The following RBFOX1 variants were observed in gnomAD, a reference collection of about 807,000 sequenced individuals.
The protein encoded by RBFOX1 is RNA binding fox-1 homolog 1.
In RBFOX1, 8 loss-of-function variants were observed where a neutral mutation model predicts 57.7. The observed-to-expected ratio is 0.14, with a 90% CI of 0.08 to 0.25. RBFOX1 has a LOEUF of 0.25. RBFOX1 is among the 10% of genes least tolerant of loss of function. The pLI, the probability that RBFOX1 is intolerant of heterozygous loss-of-function variation, is 1.00. For missense variants in RBFOX1, 611 were observed against 548.5 expected (o/e 1.11, Z -1.14); for synonymous variants, 326 against 222.4 (o/e 1.47, Z -4.15).
At chr16:5,688,147 G>A (rs2050560742) in intron 3 of RBFOX1, among the ~76,000 whole-genome samples, 1 of 152,118 alleles carries the variant, frequency 6.6e-6, no homozygotes, top group Non-Finnish European at 1.5e-5. Context: ...CTGAAAAAAT[G>A]GTGTTTAGGT....
chr16:6,398,959 G>C (rs1040490476), intron 2 of RBFOX1, among the ~76,000 whole-genome samples: 5 of 152,322 alleles, frequency 3.3e-5, no homozygotes, highest in Admixed American at 1.3e-4. Flanking sequence ...TTCTGCCCCA[G>C]TAGCAGACTT....
intron 3 of RBFOX1, among the ~76,000 whole-genome samples, chr16:6,954,935 A>C (rs1029179148): frequency 1.3e-5 from 2 of 152,144 alleles, no homozygotes; most frequent in African/African-American, 4.8e-5. Context: ...TTTAGGCATC[A>C]AATTTAATAT....
intron 1 of RBFOX1, among the ~76,000 whole-genome samples, chr16:5,255,842 C>T (rs996154334): frequency 6.6e-6 from 1 of 151,964 alleles, no homozygotes; most frequent in Non-Finnish European, 1.5e-5. Flanking sequence ...ATATGATTCC[C>T]TGGGCTCAAA....
At chr16:6,587,691 C>T (rs899596091) in intron 2 of RBFOX1, among the ~76,000 whole-genome samples, 1 of 152,056 alleles carries the variant, frequency 6.6e-6, no homozygotes, top group African/African-American at 2.4e-5. Flanking sequence ...GTGTAAAAAA[C>T]AGAGAGATGA....
intron 13 of RBFOX1, among the ~76,000 whole-genome samples, chr16:7,670,493 G>A (rs1017056356): frequency 5.9e-5 from 9 of 152,126 alleles, no homozygotes; most frequent in East Asian, 1.9e-4. Context: ...TGAAAAGTAC[G>A]GTGAAAGATG....
At chr16:6,609,912 G>A (rs1389870844) in intron 2 of RBFOX1, among the ~76,000 whole-genome samples, 2 of 152,054 alleles carry the variant, frequency 1.3e-5, no homozygotes, top group Non-Finnish European at 2.9e-5. Context: ...GGAGGCTGAG[G>A]CACGAGACTT....
intron 3 of RBFOX1, among the ~76,000 whole-genome samples, chr16:5,813,626 T>A (rs1205043925): frequency 6.6e-6 from 1 of 152,370 alleles, no homozygotes; most frequent in Non-Finnish European, 1.5e-5. Flanking sequence ...CTATTGAGTT[T>A]TAAGTGTTCT....
chr16:5,657,062 C>A (rs1465942490), intron 3 of RBFOX1, among the ~76,000 whole-genome samples: 1 of 152,176 alleles, frequency 6.6e-6, no homozygotes, highest in Non-Finnish European at 1.5e-5. Flanking sequence ...AACAGACCTA[C>A]ATGTTCTGCA....
intron 2 of RBFOX1, among the ~76,000 whole-genome samples, chr16:6,602,385 A>G (rs1356335986): frequency 6.6e-6 from 1 of 152,108 alleles, no homozygotes; most frequent in Non-Finnish European, 1.5e-5. Context: ...AGCTGTTTAT[A>G]AGGAAAACAG....
At chr16:6,657,077 CCTTTCCTCTCCTCCCCTTTA>C (rs2098662729) in intron 3 of RBFOX1, among the ~76,000 whole-genome samples, 2 of 122,774 alleles carry the variant, frequency 1.6e-5, no homozygotes, top group East Asian at 2.9e-4. Flanking sequence ...CCTCTCCTCC[CCTTTCCTCTCCTCCCCTTTA>C]CTCTCCTCTC....
chr16:6,795,528 G>T (rs978531723), intron 3 of RBFOX1, among the ~76,000 whole-genome samples: 1 of 152,236 alleles, frequency 6.6e-6, no homozygotes, highest in African/African-American at 2.4e-5. Context: ...AGCACTTTGG[G>T]AGGCCGAGGT....
At chr16:6,891,730 A>G (rs72770625) in intron 3 of RBFOX1, among the ~76,000 whole-genome samples, 32,254 of 152,178 alleles carry the variant, frequency 0.21, 4,334 homozygotes, top group Admixed American at 0.35. Flanking sequence ...CGTGGAACGC[A>G]GCACTCCATG....
intron 3 of RBFOX1, among the ~76,000 whole-genome samples, chr16:7,045,099 C>A (rs530438917): frequency 1.3e-5 from 2 of 152,156 alleles, no homozygotes; most frequent in African/African-American, 4.8e-5. Context: ...TTCGATGATC[C>A]CTACTTAAAG....
intron 3 of RBFOX1, among the ~76,000 whole-genome samples, chr16:5,662,797 C>G (rs1347878737): frequency 6.6e-6 from 1 of 152,194 alleles, no homozygotes; most frequent in African/African-American, 2.4e-5. Flanking sequence ...TTAGTCCCCT[C>G]CACTTCTAAG....
chr16:6,015,815 A>G (rs1379811523), upstream of RBFOX1, among the ~76,000 whole-genome samples: 3 of 152,040 alleles, frequency 2.0e-5, no homozygotes, highest in African/African-American at 7.2e-5. Flanking sequence ...CCTGCTCCGT[A>G]TTGGCCAAAT....
chr16:6,026,236 A>C (rs544490291), intron 1 of RBFOX1, among the ~76,000 whole-genome samples: 3 of 152,174 alleles, frequency 2.0e-5, no homozygotes, highest in African/African-American at 7.2e-5. Flanking sequence ...CCATGCATAC[A>C]CCTGTTTGGA....
intron 3 of RBFOX1, among the ~76,000 whole-genome samples, chr16:5,719,968 C>G (rs973872289): frequency 3.9e-5 from 6 of 152,114 alleles, no homozygotes; most frequent in African/African-American, 1.2e-4. Context: ...GCCCCGCCCC[C>G]ATGATTTGAG....
chr16:5,609,214 T>A (rs1336819217), intron 3 of RBFOX1, among the ~76,000 whole-genome samples: 1 of 152,208 alleles, frequency 6.6e-6, no homozygotes, highest in Non-Finnish European at 1.5e-5. Context: ...CAAACTCCCA[T>A]GGCTTGCTTT....
At chr16:5,951,162 A>C (rs1198807558) in intron 4 of RBFOX1, among the ~76,000 whole-genome samples, 2 of 152,148 alleles carry the variant, frequency 1.3e-5, no homozygotes, top group Non-Finnish European at 2.9e-5. Flanking sequence ...AAGAGTATAT[A>C]TTTGGCCGGG....
Sources: gnomAD v4.1 joint callset for allele counts (sites outside exome capture counted in the v4.1 genomes callset) on GRCh38, gnomAD v4.1.1 for gene constraint, MANE v1.5 for transcripts, NCBI Gene and HGNC (gene_info 2026-07-23, HGNC 2026-07-21) for gene names.